The following DKK2 variants were observed in gnomAD, a reference collection of about 807,000 sequenced individuals.
The protein encoded by DKK2 is dickkopf Wnt signaling pathway inhibitor 2.
Under a neutral mutation model 28.1 loss-of-function variants are expected in DKK2, and 11 were observed. That is an observed-to-expected ratio of 0.39 (90% CI 0.25 to 0.65). DKK2 has a LOEUF of 0.65. DKK2 is among the 30% of genes least tolerant of loss of function. The pLI, the probability that DKK2 is intolerant of heterozygous loss-of-function variation, is 0.47. For synonymous variants in DKK2, 135 were observed against 126.5 expected (o/e 1.07, Z -0.45); for missense variants, 326 against 335.5 (o/e 0.97, Z 0.22).
intron 1 of DKK2, among the ~76,000 whole-genome samples, chr4:106,930,900 C>A (rs900129953): frequency 1.3e-5 from 2 of 152,150 alleles, no homozygotes; most frequent in East Asian, 1.9e-4. Context: ...ATTTGGGAAA[C>A]CTGATCGGAC....
At chr4:106,945,615 A>T (rs1724764196) in intron 1 of DKK2, among the ~76,000 whole-genome samples, 1 of 152,128 alleles carries the variant, frequency 6.6e-6, no homozygotes. Flanking sequence ...TCACGTCTGC[A>T]GTGGAATCCT....
Position 107,024,040 on chromosome 4 carries a change from T to G in DKK2, c.222+11330A>C, listed in dbSNP as rs548014593. On this transcript the variant is annotated intron_variant, in intron 1 of 3. Transcript: ENST00000285311. The stretch of plus-strand genomic sequence containing the variant: ...TCTTTAAAAAGTTTTTGACAAAATA[T>G]ATATCCTTTGTCCTAATCTATGTGG... Among the ~76,000 whole-genome samples, 14 of 152,254 alleles carry G rather than the reference T, an allele frequency of 9.2e-5. No homozygotes were observed. In the South Asian group the frequency reaches 2.9e-3, roughly 32 times the overall value.
chr4:106,966,232 T>G (rs1180562588), intron 1 of DKK2, among the ~76,000 whole-genome samples: 1 of 152,194 alleles, frequency 6.6e-6, no homozygotes, highest in African/African-American at 2.4e-5. Context: ...AATCATAGAA[T>G]AACCACCTCG....
intron 1 of DKK2, among the ~76,000 whole-genome samples, chr4:106,953,123 C>G (rs146844832): frequency 3.3e-5 from 5 of 152,236 alleles, no homozygotes; most frequent in African/African-American, 1.2e-4. Flanking sequence ...TAGGTAACCA[C>G]GTTTATTTTG....
intron 1 of DKK2, among the ~76,000 whole-genome samples, chr4:107,023,339 A>G (rs1039151442): frequency 6.6e-6 from 1 of 152,112 alleles, no homozygotes; most frequent in Non-Finnish European, 1.5e-5. Flanking sequence ...CTGTGAAAAG[A>G]CATGGAAGAA....
intron 1 of DKK2, among the ~76,000 whole-genome samples, chr4:107,026,423 G>A (rs895145560): frequency 1.3e-5 from 2 of 152,096 alleles, no homozygotes. Flanking sequence ...TAAAATATTT[G>A]TGCATATTAT....
chr4:106,938,444 C>T (rs1724635340), intron 1 of DKK2, among the ~76,000 whole-genome samples: 1 of 152,096 alleles, frequency 6.6e-6, no homozygotes, highest in South Asian at 2.1e-4. Flanking sequence ...CTGAATAGAC[C>T]AATAACAGGA....
intron 1 of DKK2, among the ~76,000 whole-genome samples, chr4:106,954,077 A>C (rs973101031): frequency 6.6e-6 from 1 of 152,184 alleles, no homozygotes; most frequent in African/African-American, 2.4e-5. Context: ...ATGTTATTTA[A>C]AGTATGAAAT....
In DKK2 at chr4:107,035,463, G is replaced by A. The variant is rs1025303498; in HGVS notation, c.129C>T (p.Gly43=). Reference sequence around the variant, plus strand: ...TGGCGGCCTGACCAGGCGTCTCCCCGCCCAGAGAGGACTTGATGGAGTTGA... The same window carrying A: ...TGGCGGCCTGACCAGGCGTCTCCCCACCCAGAGAGGACTTGATGGAGTTGA... ...AKLNSIKSSL[G]GETPGQAANR... Residue 43 remains glycine, a synonymous_variant, in exon 1 of 4, where the codon GGC becomes GGT. Transcript: ENST00000285311. The A allele has an allele frequency of 6.2e-7, 1 of 1,614,164 alleles. No homozygotes were observed. The highest frequency in any genetic ancestry group is 8.5e-7 in the Non-Finnish European group (1 of 1,180,032).
chr4:106,998,387 G>A (rs1208170116), intron 1 of DKK2, among the ~76,000 whole-genome samples: 1 of 151,988 alleles, frequency 6.6e-6, no homozygotes, highest in Non-Finnish European at 1.5e-5. Flanking sequence ...CAATCACTTT[G>A]GTTACTCAAA....
intron 1 of DKK2, among the ~76,000 whole-genome samples, chr4:106,986,586 C>T (rs943660655): frequency 5.3e-5 from 8 of 152,062 alleles, no homozygotes; most frequent in Non-Finnish European, 1.0e-4. Flanking sequence ...CAGTTTATTC[C>T]TCATAAACTA....
chr4:107,024,196 A>T (rs1393987878), intron 1 of DKK2, among the ~76,000 whole-genome samples: 1 of 152,052 alleles, frequency 6.6e-6, no homozygotes, highest in African/African-American at 2.4e-5. Context: ...AAATATACTG[A>T]TATCTATTAT....
intron 1 of DKK2, among the ~76,000 whole-genome samples, chr4:106,951,249 C>A (rs116566622): frequency 0.025 from 3,866 of 151,974 alleles, 61 homozygotes; most frequent in Non-Finnish European, 0.037. Flanking sequence ...ATTCATACAA[C>A]CTCTATGGAA....
chr4:106,995,570 T>C (rs1407897066), intron 1 of DKK2, among the ~76,000 whole-genome samples: 1 of 152,198 alleles, frequency 6.6e-6, no homozygotes, highest in Admixed American at 6.5e-5. Context: ...ATAATTTTCA[T>C]ATGCAGAATG....
intron 1 of DKK2, among the ~76,000 whole-genome samples, chr4:107,015,451 A>G (rs1162970004): frequency 6.6e-6 from 1 of 151,626 alleles, no homozygotes; most frequent in African/African-American, 2.4e-5. Context: ...TATATTCTAA[A>G]CAGGAATCTT....
chr4:106,952,178 G>A (rs1030915384), intron 1 of DKK2, among the ~76,000 whole-genome samples: 4 of 152,112 alleles, frequency 2.6e-5, no homozygotes, highest in African/African-American at 9.7e-5. Flanking sequence ...TTGCTAAGCT[G>A]TTCTTTCCTA....
intron 1 of DKK2, among the ~76,000 whole-genome samples, chr4:106,964,979 A>AGAT (rs1032032606): frequency 1.3e-5 from 2 of 149,544 alleles, no homozygotes; most frequent in Non-Finnish European, 3.0e-5. Flanking sequence ...ATAGATAGAT[A>AGAT]GATAGATAGA....
At chr4:106,946,447 A>C (rs767344592) in intron 1 of DKK2, among the ~76,000 whole-genome samples, 8 of 152,130 alleles carry the variant, frequency 5.3e-5, no homozygotes, top group Non-Finnish European at 1.2e-4. Flanking sequence ...TTGAAGTTAT[A>C]GAACTGGCAC....
chr4:106,980,104 A>G (rs980511211), intron 1 of DKK2, among the ~76,000 whole-genome samples: 1 of 152,216 alleles, frequency 6.6e-6, no homozygotes, highest in African/African-American at 2.4e-5. Context: ...TAAAGTTTTA[A>G]TTTAAACAAG....
Sources: allele counts gnomAD v4.1 joint callset (sites outside exome capture counted in the v4.1 genomes callset), GRCh38; gene constraint gnomAD v4.1.1; transcripts MANE v1.5; gene names NCBI Gene and HGNC (gene_info 2026-07-23, HGNC 2026-07-21).